Variants in SMOC1 observed in about 807,000 individuals in gnomAD.
SMOC1 encodes SPARC-related modular calcium-binding protein 1.
A neutral mutation model predicts 56.3 loss-of-function variants in SMOC1; 22 were observed. That is an observed-to-expected ratio of 0.39 (90% CI 0.28 to 0.56). The LOEUF (loss-of-function observed/expected upper bound fraction) is 0.56. Ranked by LOEUF, SMOC1 falls within the 20% of genes least tolerant of loss-of-function variation. The pLI is 0.61. For synonymous variants in SMOC1, 193 were observed against 215.0 expected (o/e 0.90, Z 0.89); for missense variants, 509 against 565.4 (o/e 0.90, Z 1.01).
intron 1 of SMOC1, among the ~76,000 whole-genome samples, chr14:69,905,736 AG>A (rs1884390353): frequency 1.3e-5 from 2 of 152,170 alleles, no homozygotes; most frequent in African/African-American, 4.8e-5. Context: ...TGGATGTGGA[AG>A]GGTGAAGGTG....
At chr14:69,905,973 G>C (rs77809193) in intron 1 of SMOC1, among the ~76,000 whole-genome samples, 2 of 152,208 alleles carry the variant, frequency 1.3e-5, no homozygotes, top group African/African-American at 4.8e-5. Flanking sequence ...CCAATGTGTA[G>C]ATGGGAGTCG....
chr14:69,947,395 C>A (rs1187863793), intron 1 of SMOC1, among the ~76,000 whole-genome samples: 1 of 152,080 alleles, frequency 6.6e-6, no homozygotes, highest in Non-Finnish European at 1.5e-5. Context: ...GTCTTGAACT[C>A]CTGGGCTCAA....
chr14:69,936,118 C>T (rs1049811557), intron 1 of SMOC1, among the ~76,000 whole-genome samples: 7 of 152,196 alleles, frequency 4.6e-5, no homozygotes, highest in Non-Finnish European at 1.0e-4. Context: ...TTTCATTTCT[C>T]CCCCATTCTC....
chr14:69,912,019 T>G (rs1182719409), intron 1 of SMOC1, among the ~76,000 whole-genome samples: 1 of 152,192 alleles, frequency 6.6e-6, no homozygotes, highest in Non-Finnish European at 1.5e-5. Flanking sequence ...GCACTTGGTA[T>G]TGTTGATATT....
chr14:69,967,803 C>T (rs569568731), intron 3 of SMOC1, among the ~76,000 whole-genome samples: 4 of 152,164 alleles, frequency 2.6e-5, no homozygotes, highest in Non-Finnish European at 5.9e-5. Context: ...ACACTGAGGT[C>T]TTTTTGTCTC....
intron 3 of SMOC1, among the ~76,000 whole-genome samples, chr14:69,967,169 A>G (rs939402637): frequency 2.0e-5 from 3 of 152,218 alleles, no homozygotes; most frequent in African/African-American, 7.2e-5. Context: ...AAAGACTCCC[A>G]TATTTAGGAG....
intron 10 of SMOC1, among the ~76,000 whole-genome samples, chr14:70,018,184 C>T (rs562595330): frequency 2.1e-4 from 32 of 151,994 alleles, no homozygotes; most frequent in Admixed American, 3.3e-4. Context: ...CCTGATGGCA[C>T]TATGGAAGCA....
chr14:69,904,507 T>C (rs566471280), intron 1 of SMOC1, among the ~76,000 whole-genome samples: 1 of 152,348 alleles, frequency 6.6e-6, no homozygotes, highest in African/African-American at 2.4e-5. Context: ...TGGTCACTTA[T>C]GGGGTTTAGC....
intron 1 of SMOC1, among the ~76,000 whole-genome samples, chr14:69,931,946 G>A (rs1286798904): frequency 6.6e-6 from 1 of 152,220 alleles, no homozygotes; most frequent in African/African-American, 2.4e-5. Flanking sequence ...CTCAAGGCGT[G>A]GGATGAGAAG....
intron 1 of SMOC1, among the ~76,000 whole-genome samples, chr14:69,917,909 AAC>A (rs1335335867): frequency 2.0e-5 from 3 of 152,124 alleles, no homozygotes; most frequent in South Asian, 2.1e-4. Context: ...AATGGGAGGC[AAC>A]ACACAGTGTC....
chr14:69,991,147 A>G (rs1196775364), intron 5 of SMOC1, among the ~76,000 whole-genome samples: 1 of 152,198 alleles, frequency 6.6e-6, no homozygotes, highest in East Asian at 1.9e-4. Flanking sequence ...CTGCATAAAT[A>G]GTTAATGCTC....
intron 1 of SMOC1, among the ~76,000 whole-genome samples, chr14:69,917,262 T>A (rs1381638264): frequency 2.6e-5 from 4 of 152,208 alleles, no homozygotes; most frequent in Non-Finnish European, 5.9e-5. Flanking sequence ...TAAGATAATT[T>A]TATTTCAAAG....
At chr14:69,932,076 C>A (rs1210557910) in intron 1 of SMOC1, among the ~76,000 whole-genome samples, 1 of 152,244 alleles carries the variant, frequency 6.6e-6, no homozygotes, top group Non-Finnish European at 1.5e-5. Context: ...AGAACCCGAG[C>A]TGTTCCTCAA....
In SMOC1 at chr14:70,030,619, G is replaced by A. The variant is rs1246249440; in HGVS notation, c.*361G>A. 1.6e-5 allele frequency: 4 copies of A among 250,680 alleles called. No individual in the cohort carries two copies. The highest frequency in any genetic ancestry group is 6.7e-5 in the African/African-American group (3 of 44,588). 15.5% of individuals were successfully genotyped at this position (250,680 alleles called of 1,614,324 possible). On this transcript the variant is annotated 3_prime_UTR_variant, in exon 12 of 12. Transcript: ENST00000361956. ...CTGTATATAAATATATATGTAAATT[G>A]TATAGTTCTTTTGTACAGGCATTGG...
At chr14:69,992,035 T>A (rs1478071077) in intron 5 of SMOC1, among the ~76,000 whole-genome samples, 1 of 152,112 alleles carries the variant, frequency 6.6e-6, no homozygotes, top group East Asian at 1.9e-4. Context: ...TTGCCAACCT[T>A]ATGCTAACAT....
chr14:70,000,460 A>G (rs902416723), intron 7 of SMOC1, among the ~76,000 whole-genome samples: 1 of 152,230 alleles, frequency 6.6e-6, no homozygotes, highest in South Asian at 2.1e-4. Flanking sequence ...AGTACTTGTC[A>G]TTGCAAAGAT....
intron 10 of SMOC1, among the ~76,000 whole-genome samples, chr14:70,021,008 C>T (rs939217553): frequency 6.6e-6 from 1 of 152,190 alleles, no homozygotes; most frequent in African/African-American, 2.4e-5. Flanking sequence ...TGACCTCATC[C>T]CTTCCCGTCT....
chr14:69,964,102 G>A (rs1363640471), intron 3 of SMOC1, among the ~76,000 whole-genome samples: 1 of 152,210 alleles, frequency 6.6e-6, no homozygotes, highest in Non-Finnish European at 1.5e-5. Context: ...CTTCAGATTG[G>A]CTGGCATCAT....
chr14:69,975,783 T>C lies in SMOC1; in HGVS notation c.447T>C (p.Ser149=), dbSNP rs1435531783. The part of the protein sequence containing the change: ...VTPDGKPISG[S]SVQNKTPVCS... The stretch of plus-strand genomic sequence containing the variant: ...CGGATGGGAAGCCCATCAGTGGCTC[T>C]TCTGTGCAGAATAAAACTCCTGTAT... Residue 149 remains serine, a synonymous_variant, in exon 4 of 12, where the codon TCT becomes TCC. Transcript: ENST00000361956. The C allele has an allele frequency of 6.2e-7, 1 of 1,612,608 alleles. No individual in the cohort carries two copies. The highest frequency in any genetic ancestry group is 8.5e-7 in the Non-Finnish European group (1 of 1,179,896).
Sources: allele counts gnomAD v4.1 joint callset (sites outside exome capture counted in the v4.1 genomes callset), GRCh38; gene constraint gnomAD v4.1.1; transcripts MANE v1.5; gene names NCBI Gene and HGNC (gene_info 2026-07-23, HGNC 2026-07-21).